The following TMEM37 variants were observed in gnomAD, a reference collection of about 807,000 sequenced individuals.
The protein encoded by TMEM37 is transmembrane protein 37.
In TMEM37, 12 loss-of-function variants were observed where a neutral mutation model predicts 11.0. The observed-to-expected ratio is 1.09, with a 90% CI of 0.70 to 1.76. TMEM37 has a LOEUF of 1.76. TMEM37 is among the 40% of genes most tolerant of loss of function. The pLI, the probability that TMEM37 is intolerant of heterozygous loss-of-function variation, is 0.00. For missense variants in TMEM37, 203 were observed against 251.2 expected (o/e 0.81, Z 1.30); for synonymous variants, 127 against 110.5 (o/e 1.15, Z -0.94).
rs1682527857 is a variant in TMEM37 at position 119,437,558 on chromosome 2, C to T, written c.*118C>T. ...GCTGGGTTGGACAAGGGCCTTGAAA[C>T]GGCTGCCTGTTTGCCGATAACTTGT... On this transcript the variant is annotated 3_prime_UTR_variant, in exon 2 of 2. Coordinates refer to ENST00000306406, the MANE Select transcript of TMEM37 (RefSeq NM_183240.3). 15 of 1,335,448 alleles carry T rather than the reference C, an allele frequency of 1.1e-5. 1 individual carries two copies. Among genetic ancestry groups the T allele is most frequent in the South Asian group, 8.5e-5 (6 of 70,242 alleles). 82.7% of individuals were successfully genotyped at this position (1,335,448 alleles called of 1,614,324 possible).
intron 1 of TMEM37, among the ~76,000 whole-genome samples, chr2:119,433,078 A>C (rs1477276389): frequency 6.6e-6 from 1 of 152,176 alleles, no homozygotes; most frequent in African/African-American, 2.4e-5. Flanking sequence ...CCCCTCTAGG[A>C]GCTTACAGCC....
At chr2:119,430,045 T>C, upstream of TMEM37, 2 of 1,380,310 alleles carry the variant, frequency 1.4e-6, no homozygotes, top group Admixed American at 2.0e-5. Context: ...TAGGGCTCAG[T>C]GAAAGGATAC....
upstream of TMEM37, chr2:119,430,290 G>A (rs944231008): frequency 1.7e-4 from 104 of 601,606 alleles, 2 homozygotes; most frequent in African/African-American, 1.1e-3. Context: ...CATCACTTGA[G>A]GCCACTCAGC....
At chr2:119,435,007 T>A (rs576105806) in intron 1 of TMEM37, among the ~76,000 whole-genome samples, 4 of 152,212 alleles carry the variant, frequency 2.6e-5, no homozygotes, top group Admixed American at 2.6e-4. Flanking sequence ...TACAATTGTC[T>A]GGGCAGCCAT....
chr2:119,436,831 G>T, intron 1 of TMEM37, 58 bp from the exon 2 acceptor site: 1 of 1,419,538 alleles, frequency 7.0e-7, no homozygotes, highest in Non-Finnish European at 9.8e-7. Flanking sequence ...CCCTGCAGAG[G>T]TTCCTGGGGG....
chr2:119,429,943 G>T (rs1001891795), upstream of TMEM37: 5 of 1,550,462 alleles, frequency 3.2e-6, no homozygotes, highest in East Asian at 9.8e-5. Context: ...CGACCTGACT[G>T]TTCTTCTGAT....
chr2:119,437,035 C>T lies in TMEM37; in HGVS notation c.168C>T (p.Arg56=), dbSNP rs770536919. 24 of 1,612,906 alleles carry T rather than the reference C, an allele frequency of 1.5e-5. No homozygotes were observed. The highest frequency in any genetic ancestry group is 2.0e-5 in the Non-Finnish European group (24 of 1,179,848). Residue 56 remains arginine (R), a synonymous_variant, in exon 2 of 2, where the codon CGC becomes CGT. Transcript: ENST00000306406. The part of the protein sequence containing the change: ...CDGHWLLAED[R]LFGLWHFCTT... ...GGCACTGGCTCCTGGCTGAGGACCG[C>T]CTCTTCGGGCTCTGGCACTTCTGCA...
upstream of TMEM37, chr2:119,429,957 A>C (rs1366179219): frequency 5.2e-6 from 8 of 1,550,542 alleles, no homozygotes; most frequent in South Asian, 8.3e-5. Flanking sequence ...TTCTGATTTT[A>C]ATTCCAGGCA....
chr2:119,432,653 C>T (rs1682427521), intron 1 of TMEM37, among the ~76,000 whole-genome samples: 1 of 152,310 alleles, frequency 6.6e-6, no homozygotes, highest in African/African-American at 2.4e-5. Context: ...ACTTCCTTTC[C>T]GCGCAACTCG....
chr2:119,434,669 C>T (rs544865508), intron 1 of TMEM37, among the ~76,000 whole-genome samples: 12 of 152,202 alleles, frequency 7.9e-5, no homozygotes, highest in Admixed American at 2.0e-4. Flanking sequence ...TGTTTTTGAC[C>T]GCACCCAGGC....
Position 119,436,972 on chromosome 2 carries a change from C to A in TMEM37, c.105C>A (p.Ala35=). The change falls in exon 2 of 2, where the codon GCC becomes GCA. Residue 35 remains alanine (A), a synonymous_variant. Coordinates refer to ENST00000306406, the MANE Select transcript of TMEM37 (RefSeq NM_183240.3). The part of the protein sequence containing the change: ...FIRTLIITCV[A]LAVVLSSVSI... ...GGACCCTCATCATCACGTGTGTGGC[C>A]CTGGCTGTGGTCCTGTCCTCGGTCT... 1 of 1,614,240 alleles carries A rather than the reference C, an allele frequency of 6.2e-7. No homozygotes were observed. Among genetic ancestry groups the A allele is most frequent in the South Asian group, 1.1e-5 (1 of 91,084 alleles).
chr2:119,437,888 C>A lies in TMEM37; in HGVS notation c.*448C>A. 1 of 163,284 alleles carries A rather than the reference C, an allele frequency of 6.1e-6. No homozygotes were observed. The highest frequency in any genetic ancestry group is 1.3e-5 in the Non-Finnish European group (1 of 77,116). 10.1% of individuals were successfully genotyped at this position (163,284 alleles called of 1,614,324 possible). Reference sequence around the variant, plus strand: ...GCTCCCAGGGTTGTTAAGAATGGATCATTCTTCCAGCTAAGGGTCCAATCA... The same window carrying A: ...GCTCCCAGGGTTGTTAAGAATGGATAATTCTTCCAGCTAAGGGTCCAATCA... On this transcript the variant is annotated 3_prime_UTR_variant, in exon 2 of 2. Transcript: ENST00000306406.
chr2:119,436,836 TG>T, intron 1 of TMEM37, 52 bp from the exon 2 acceptor site: 2 of 1,457,384 alleles, frequency 1.4e-6, no homozygotes, highest in Non-Finnish European at 1.9e-6. Context: ...CAGAGGTTCC[TG>T]GGGGCGTGGC....
chr2:119,433,552 C>T (rs1174026000), intron 1 of TMEM37, among the ~76,000 whole-genome samples: 1 of 152,132 alleles, frequency 6.6e-6, no homozygotes, highest in African/African-American at 2.4e-5. Context: ...AAGGGGAACA[C>T]ATGAGGCCCT....
upstream of TMEM37, chr2:119,431,721 C>T (rs1232719637): frequency 6.7e-6 from 3 of 448,480 alleles, no homozygotes; most frequent in East Asian, 8.1e-5. Context: ...TAATCCGAGC[C>T]GCGGAGGGCG....
chr2:119,430,908 C>T (rs537516270), upstream of TMEM37, among the ~76,000 whole-genome samples: 13 of 152,216 alleles, frequency 8.5e-5, no homozygotes, highest in African/African-American at 2.2e-4. Context: ...AGGCCGAGAT[C>T]GGTGGATCAC....
At chr2:119,431,220 T>A (rs1439899840), upstream of TMEM37, among the ~76,000 whole-genome samples, 1 of 152,142 alleles carries the variant, frequency 6.6e-6, no homozygotes, top group African/African-American at 2.4e-5. Context: ...TTGGCATATT[T>A]GCATTTTTAA....
intron 1 of TMEM37, among the ~76,000 whole-genome samples, chr2:119,432,967 C>T (rs1030745873): frequency 2.0e-5 from 3 of 152,180 alleles, no homozygotes; most frequent in African/African-American, 4.8e-5. Context: ...GGCACCTGGG[C>T]GAAGCCGGGC....
intron 1 of TMEM37, among the ~76,000 whole-genome samples, chr2:119,435,618 C>A (rs1682482030): frequency 1.3e-5 from 2 of 152,184 alleles, no homozygotes; most frequent in Admixed American, 1.3e-4. Flanking sequence ...CACTGAATGC[C>A]CAGGTATTGG....
Sources: gnomAD v4.1 joint callset for allele counts (sites outside exome capture counted in the v4.1 genomes callset) on GRCh38, gnomAD v4.1.1 for gene constraint, MANE v1.5 for transcripts, NCBI Gene and HGNC (gene_info 2026-07-23, HGNC 2026-07-21) for gene names.